The following PRMT3 variants were observed in gnomAD, a reference collection of about 807,000 sequenced individuals.
The protein encoded by PRMT3 is protein arginine N-methyltransferase 3.
A neutral mutation model predicts 71.9 loss-of-function variants in PRMT3; 62 were observed. The ratio of observed to expected loss-of-function variants is 0.86; its 90% confidence interval spans 0.70 to 1.07. The LOEUF is 1.07. Ranked by LOEUF, PRMT3 falls within the 50% of genes least tolerant of loss-of-function variation. PRMT3 has a pLI of 0.00. For synonymous variants in PRMT3, 213 were observed against 220.4 expected, an observed-to-expected ratio of 0.97 and a Z score of 0.30; for missense variants, 663 against 643.0, an observed-to-expected ratio of 1.03 and a Z score of -0.34.
Position 20,430,456 on chromosome 11 carries a change from A to G in PRMT3, c.993+3591A>G, listed in dbSNP as rs560245550. Among the ~76,000 whole-genome samples, 22 of 152,300 alleles carry G rather than the reference A, an allele frequency of 1.4e-4. No individual in the cohort carries two copies. The South Asian group carries it at 4.3e-3, about 30-fold the overall frequency. On this transcript the variant is annotated intron_variant, in intron 10 of 15. Coordinates refer to ENST00000331079, the MANE Select transcript of PRMT3 (RefSeq NM_005788.4). Reference sequence around the variant, plus strand: ...TCTTTATTTTGGAAGATTTTTCTAGATAAGAATGTAATTTTAAAAGCTAAA... The same window carrying G: ...TCTTTATTTTGGAAGATTTTTCTAGGTAAGAATGTAATTTTAAAAGCTAAA...
At chr11:20,446,992 T>C (rs1045916066) in intron 10 of PRMT3, among the ~76,000 whole-genome samples, 1 of 152,170 alleles carries the variant, frequency 6.6e-6, no homozygotes, top group Non-Finnish European at 1.5e-5. Flanking sequence ...ATCACATTTA[T>C]GATAAATTAG....
intron 13 of PRMT3, among the ~76,000 whole-genome samples, chr11:20,467,665 T>G (rs1161042544): frequency 1.3e-5 from 2 of 152,216 alleles, no homozygotes; most frequent in African/African-American, 4.8e-5. Flanking sequence ...ATGAAATCAG[T>G]ACCAGAGTTC....
intron 8 of PRMT3, among the ~76,000 whole-genome samples, chr11:20,403,935 T>C (rs1849005813): frequency 6.6e-6 from 1 of 152,136 alleles, no homozygotes; most frequent in African/African-American, 2.4e-5. Context: ...TTGTTTGGAA[T>C]ATAATCTGGA....
Position 20,508,439 on chromosome 11 carries a change from G to A in PRMT3, c.*26G>A, listed in dbSNP as rs753589736. The A allele has an allele frequency of 6.6e-7, 1 of 1,522,190 alleles. No individual in the cohort carries two copies. The highest frequency in any genetic ancestry group is 9.1e-7 in the Non-Finnish European group (1 of 1,096,726). The allele number at this position is 1,522,190 out of a possible 1,614,324, so 94.3% of individuals were successfully genotyped here. On this transcript the variant is annotated 3_prime_UTR_variant, in exon 16 of 16. Transcript: ENST00000331079. Reference sequence around the variant, plus strand: ...AACAGCCATAAAAGCACACTACCTTGTAGTTTTTAATGTGGGGGTAGAGTG... The same window carrying A: ...AACAGCCATAAAAGCACACTACCTTATAGTTTTTAATGTGGGGGTAGAGTG...
rs375356879 is a variant in PRMT3, at chr11:20,410,692, A to G, written c.893+2660A>G. On this transcript the variant is annotated intron_variant, in intron 9 of 15. Transcript: ENST00000331079. Reference sequence around the variant, plus strand: ...TATATTTGTCACTGGTGCAGAGCCCAGAATAATTTGGGATTAATAGTCTTT... The same window carrying G: ...TATATTTGTCACTGGTGCAGAGCCCGGAATAATTTGGGATTAATAGTCTTT... Among the ~76,000 whole-genome samples, 21 of 152,202 alleles carry G rather than the reference A, an allele frequency of 1.4e-4. No individual in the cohort carries two copies. The East Asian group carries it at 2.3e-3, about 17-fold the overall frequency.
chr11:20,450,957 C>A (rs1850133808), intron 10 of PRMT3, among the ~76,000 whole-genome samples: 1 of 152,072 alleles, frequency 6.6e-6, no homozygotes, highest in East Asian at 1.9e-4. Flanking sequence ...TGTTGGTTCA[C>A]CCTGAGCAAT....
chr11:20,485,265 G>C (rs1455636728), intron 13 of PRMT3, among the ~76,000 whole-genome samples: 1 of 151,986 alleles, frequency 6.6e-6, no homozygotes, highest in East Asian at 1.9e-4. Flanking sequence ...ATTATTACAG[G>C]TTTCAAATTA....
chr11:20,397,810 C>G, intron 7 of PRMT3, 89 bp downstream of exon 7: 1 of 1,381,614 alleles, frequency 7.2e-7, no homozygotes, highest in Non-Finnish European at 9.6e-7. Context: ...TATAGGAGAC[C>G]TCTTTTTTTT....
At chr11:20,493,639 G>A (rs1375008673) in intron 13 of PRMT3, among the ~76,000 whole-genome samples, 5 of 150,574 alleles carry the variant, frequency 3.3e-5, no homozygotes, top group Non-Finnish European at 7.4e-5. Flanking sequence ...CTCTCCATGT[G>A]TGTTCACCTT....
In PRMT3 at chr11:20,407,905, C is replaced by T. The variant is rs746776660; in HGVS notation, c.772-6C>T. On this transcript the variant is annotated splice_region_variant and splice_polypyrimidine_tract_variant and intron_variant, in intron 8 of 15. Transcript: ENST00000331079. Reference sequence around the variant, plus strand: ...TTTTGTTTTGGTTTTTTCTTAATTACCCTAGGTAGTTTTGGATGTTGGGTG... The same window carrying T: ...TTTTGTTTTGGTTTTTTCTTAATTATCCTAGGTAGTTTTGGATGTTGGGTG... 1.9e-6 allele frequency: 3 copies of T among 1,604,716 alleles called. No homozygotes were observed. The highest frequency in any genetic ancestry group is 1.7e-6 in the Non-Finnish European group (2 of 1,174,714).
chr11:20,423,002 C>T (rs990373856), intron 9 of PRMT3, among the ~76,000 whole-genome samples: 3 of 152,114 alleles, frequency 2.0e-5, no homozygotes, highest in African/African-American at 7.2e-5. Flanking sequence ...GAAGGAAGGA[C>T]CGAAGCAGCT....
At chr11:20,439,803 AAAAG>A (rs1849845585) in intron 10 of PRMT3, among the ~76,000 whole-genome samples, 1 of 152,202 alleles carries the variant, frequency 6.6e-6, no homozygotes, top group Non-Finnish European at 1.5e-5. Context: ...AGGTAAATGA[AAAAG>A]AAGCCCAAAA....
intron 10 of PRMT3, among the ~76,000 whole-genome samples, chr11:20,439,500 G>C (rs1020734467): frequency 2.0e-5 from 3 of 152,000 alleles, no homozygotes; most frequent in Admixed American, 6.5e-5. Context: ...CATTGTTCTT[G>C]CTGTCTTTGT....
At chr11:20,397,783 TTA>T in intron 7 of PRMT3, 62 bp downstream of exon 7, 1 of 1,562,384 alleles carries the variant, frequency 6.4e-7, no homozygotes, top group East Asian at 2.3e-5. Flanking sequence ...AGGTTCTTTC[TTA>T]ATATATGTGT....
At chr11:20,421,485 C>T (rs1295292764) in intron 9 of PRMT3, among the ~76,000 whole-genome samples, 1 of 152,168 alleles carries the variant, frequency 6.6e-6, no homozygotes, top group Admixed American at 6.5e-5. Flanking sequence ...TCCCCACTAC[C>T]TTCTGACCTT....
intron 9 of PRMT3, among the ~76,000 whole-genome samples, chr11:20,419,051 T>G (rs758586469): frequency 1.3e-5 from 2 of 152,112 alleles, no homozygotes; most frequent in Non-Finnish European, 2.9e-5. Context: ...TACTTAGAAG[T>G]AGAACTGTGG....
intron 13 of PRMT3, among the ~76,000 whole-genome samples, chr11:20,492,430 A>G (rs1590107835): frequency 6.6e-6 from 1 of 152,208 alleles, no homozygotes; most frequent in African/African-American, 2.4e-5. Flanking sequence ...TGGCAGAATT[A>G]TTACTAGTAT....
At chr11:20,426,894 A>G in intron 10 of PRMT3, 29 bp downstream of exon 10, 3 of 1,503,174 alleles carry the variant, frequency 2.0e-6, no homozygotes, top group Non-Finnish European at 2.6e-6. Flanking sequence ...AACTACTTTC[A>G]CTGGTAAAAT....
intron 9 of PRMT3, among the ~76,000 whole-genome samples, chr11:20,418,139 A>G (rs1849349026): frequency 1.3e-5 from 2 of 152,172 alleles, no homozygotes. Flanking sequence ...AAAGTTGATA[A>G]TTTCATTTTT....
Sources: allele counts gnomAD v4.1 joint callset (sites outside exome capture counted in the v4.1 genomes callset), GRCh38; gene constraint gnomAD v4.1.1; transcripts MANE v1.5; gene names NCBI Gene and HGNC (gene_info 2026-07-23, HGNC 2026-07-21).